Variants in ACSL6 observed in about 807,000 individuals in gnomAD.
ACSL6 encodes acyl-CoA synthetase long chain family member 6.
A neutral mutation model predicts 98.2 loss-of-function variants in ACSL6; 47 were observed. The ratio of observed to expected loss-of-function variants is 0.48; its 90% CI spans 0.38 to 0.61. The LOEUF is 0.61. ACSL6 is among the 20% of genes least tolerant of loss of function. The pLI is 0.00. For missense variants in ACSL6, 761 were observed against 913.4 expected, an observed-to-expected ratio of 0.83 and a Z score of 2.15; for synonymous variants, 362 against 336.9, an observed-to-expected ratio of 1.07 and a Z score of -0.82.
chr5:132,005,684 G>C (rs247006), intron 1 of ACSL6, among the ~76,000 whole-genome samples: 56,062 of 152,158 alleles, frequency 0.37, 11,615 homozygotes, highest in South Asian at 0.66. Context: ...GGGTGCGTGG[G>C]CAGGAGGAGT....
At chr5:131,987,418 G>A (rs1181206360) in intron 7 of ACSL6, among the ~76,000 whole-genome samples, 1 of 152,164 alleles carries the variant, frequency 6.6e-6, no homozygotes, top group Non-Finnish European at 1.5e-5. Flanking sequence ...TGCCAGGGAG[G>A]GGTACAATGC....
At chr5:131,963,195 C>T (rs1332994514) in intron 17 of ACSL6, among the ~76,000 whole-genome samples, 2 of 152,204 alleles carry the variant, frequency 1.3e-5, no homozygotes, top group Admixed American at 6.5e-5. Context: ...GTGACTCCTA[C>T]CTGACATGCC....
At chr5:131,980,610 G>A (rs1753839370) in intron 9 of ACSL6, among the ~76,000 whole-genome samples, 1 of 152,110 alleles carries the variant, frequency 6.6e-6, no homozygotes, top group African/African-American at 2.4e-5. Context: ...AGAACAGAAG[G>A]GACGCCCCAA....
intron 1 of ACSL6, chr5:132,001,874 C>A (rs990116368): frequency 6.6e-6 from 1 of 152,142 alleles, no homozygotes; most frequent in East Asian, 1.9e-4. Flanking sequence ...AAGCCAGGCA[C>A]AAACAATGCT....
rs183980877 is a variant in ACSL6 at position 132,002,171 on chromosome 5, C to T, written c.50-7920G>A. On this transcript the variant is annotated intron_variant, in intron 1 of 20. Transcript: ENST00000651883. ...GGAATACTGACCAGGGTCACCATCA[C>T]CTCACAGGCACAGGGACACTCCCTG... is the stretch of plus-strand genomic sequence containing the variant. Among the ~76,000 whole-genome samples the T allele has an allele frequency of 8.4e-4, 128 of 152,322 alleles. No individual in the cohort carries two copies. In the Middle Eastern group the frequency reaches 0.014, roughly 16 times the overall value.
chr5:132,005,485 G>A (rs749739140), intron 1 of ACSL6, among the ~76,000 whole-genome samples: 20 of 152,188 alleles, frequency 1.3e-4, no homozygotes, highest in African/African-American at 4.6e-4. Context: ...CTCACTGGCC[G>A]GCTCACATGC....
At position 131,992,168 on chromosome 5, in the gene ACSL6, C is replaced by T. The variant is rs985489993; in HGVS notation, c.271-1201G>A. Among the ~76,000 whole-genome samples, 2 of 152,100 alleles carry T rather than the reference C, an allele frequency of 1.3e-5. 1 individual carries two copies. The highest frequency in any genetic ancestry group is 4.2e-4 in the South Asian group (2 of 4,818). ...TAGGCAGCACCACATGCAAATGCACCGGCAGGAGGCACAGGTGCATTTGGG... is the reference window on the plus strand; with the variant it reads ...TAGGCAGCACCACATGCAAATGCACTGGCAGGAGGCACAGGTGCATTTGGG... On this transcript the variant is annotated intron_variant, in intron 2 of 20. Transcript: ENST00000651883.
Position 131,962,681 on chromosome 5 carries a change from G to A in ACSL6, c.1714-3C>T. On this transcript the variant is annotated splice_polypyrimidine_tract_variant and splice_region_variant and intron_variant, in intron 17 of 20. Transcript: ENST00000651883. ...TCAATAATTTTAAGAGTTCCTGCCT[G>A]TAGAGTTGGACAAACAGCTTTATAA... 1 of 1,613,810 alleles carries A rather than the reference G, an allele frequency of 6.2e-7. No individual in the cohort carries two copies. The highest frequency in any genetic ancestry group is 2.2e-5 in the East Asian group (1 of 44,882).
In ACSL6 at chr5:131,981,311, T is replaced by C. The variant is rs562849095; in HGVS notation, c.916+4096A>G. Among the ~76,000 whole-genome samples the C allele has an allele frequency of 2.0e-4, 27 of 135,170 alleles. No individual in the cohort carries two copies. The South Asian group carries it at 6.4e-3, about 32-fold the overall frequency. 88.7% of individuals were successfully genotyped at this position (135,170 alleles called of 152,430 possible). A position where few individuals can be genotyped will look rare whatever the true frequency, so the allele number is the denominator to read the frequency against. ...AATCTTGCTCCCTGCCATACCTTCA[T>C]AGTCAACTATTAAAAAAAAAAAAAA... On this transcript the variant is annotated intron_variant, in intron 9 of 20. Coordinates refer to ENST00000651883, the MANE Select transcript of ACSL6 (RefSeq NM_001009185.3).
intron 1 of ACSL6, among the ~76,000 whole-genome samples, chr5:132,004,797 C>G (rs1472284776): frequency 6.6e-6 from 1 of 152,222 alleles, no homozygotes; most frequent in Non-Finnish European, 1.5e-5. Context: ...TCTCTAAACC[C>G]TCCCTGCCAC....
In ACSL6 at chr5:131,950,575, T is replaced by C. The variant is rs1460933650; in HGVS notation, c.*3659A>G. 1.0e-5 allele frequency: 2 copies of C among 196,634 alleles called. No individual in the cohort carries two copies. The highest frequency in any genetic ancestry group is 1.2e-4 in the Admixed American group (2 of 16,454). The allele number at this position is 196,634 out of a possible 1,614,324, so 12.2% of individuals were successfully genotyped here. On this transcript the variant is annotated 3_prime_UTR_variant, in exon 21 of 21. Coordinates refer to ENST00000651883, the MANE Select transcript of ACSL6 (RefSeq NM_001009185.3). ...TACCAATTTTATATACGGTTATTCA[T>C]TCTTTTTTTCCTGAGATATTAAGCA...
chr5:131,974,875 G>A lies in ACSL6; in HGVS notation c.1068+18C>T. Reference sequence around the variant, plus strand: ...AAGGAGCCCAGGCAAGGCCCGGTCAGTCAGGTGGGTGTCTTACCTGGATTA... The same window carrying A: ...AAGGAGCCCAGGCAAGGCCCGGTCAATCAGGTGGGTGTCTTACCTGGATTA... On this transcript the variant is annotated intron_variant, in intron 11 of 20. Transcript: ENST00000651883. 1 of 1,614,146 alleles carries A rather than the reference G, an allele frequency of 6.2e-7. No individual in the cohort carries two copies. The highest frequency in any genetic ancestry group is 8.5e-7 in the Non-Finnish European group (1 of 1,180,012).
chr5:131,973,419 A>G lies in ACSL6; in HGVS notation c.1069-19T>C, dbSNP rs753058368. 6.8e-6 allele frequency: 11 copies of G among 1,613,146 alleles called. No homozygotes were observed. The Admixed American group carries it at 1.8e-4, about 27-fold the overall frequency. ...CGACAGACTAGAAAGACAGGACAGG[A>G]AGGGAGGAGTCCCTTAGGGTGGTCA... On this transcript the variant is annotated intron_variant, in intron 11 of 20. Transcript: ENST00000651883.
chr5:132,006,259 G>A (rs961957613), intron 1 of ACSL6: 8 of 152,136 alleles, frequency 5.3e-5, no homozygotes, highest in African/African-American at 1.7e-4. Context: ...TAGATAGCTC[G>A]GCTTGGCTTG....
At chr5:132,003,988 G>T (rs574559935) in intron 1 of ACSL6, among the ~76,000 whole-genome samples, 2 of 152,232 alleles carry the variant, frequency 1.3e-5, no homozygotes, top group African/African-American at 4.8e-5. Flanking sequence ...GAAAGAAATG[G>T]GAAGAAAAAA....
At chr5:132,005,486 G>T (rs984477861) in intron 1 of ACSL6, among the ~76,000 whole-genome samples, 1 of 152,238 alleles carries the variant, frequency 6.6e-6, no homozygotes, top group Non-Finnish European at 1.5e-5. Context: ...TCACTGGCCG[G>T]CTCACATGCC....
intron 18 of ACSL6, 56 bp downstream of exon 18, chr5:131,962,479 C>A: frequency 6.5e-7 from 1 of 1,540,886 alleles, no homozygotes. Context: ...AATGTTTAAT[C>A]TGGGTTTTTC....
intron 6 of ACSL6, 134 bp from the exon 7 acceptor site, chr5:131,988,360 T>G (rs985315045): frequency 6.1e-6 from 8 of 1,302,702 alleles, no homozygotes; most frequent in Non-Finnish European, 8.6e-6. Context: ...AATAAATACA[T>G]AAGACAGGCC....
At position 131,968,016 on chromosome 5, in the gene ACSL6, G is replaced by A. The variant is rs575021630; in HGVS notation, c.1520C>T (p.Ala507Val). ...PGDWTSGHVG[A>V]PLPCNHIKLV... Reference sequence around the variant, plus strand: ...CTTGATATGATTGCAGGGAAGTGGCGCCCCTACGTGCCCTGGAACACCGGA... The same window carrying A: ...CTTGATATGATTGCAGGGAAGTGGCACCCCTACGTGCCCTGGAACACCGGA... Residue 507 changes from alanine (A) to valine (V), a missense_variant, in exon 16 of 21, where the codon GCG becomes GTG. Coordinates refer to ENST00000651883, the MANE Select transcript of ACSL6 (RefSeq NM_001009185.3). The A allele has an allele frequency of 3.1e-5, 50 of 1,613,582 alleles. 1 individual carries two copies. In the South Asian group the frequency reaches 4.5e-4, roughly 15 times the overall value.
Sources: gnomAD v4.1 joint callset for allele counts (sites outside exome capture counted in the v4.1 genomes callset) on GRCh38, gnomAD v4.1.1 for gene constraint, MANE v1.5 for transcripts, NCBI Gene and HGNC (gene_info 2026-07-23, HGNC 2026-07-21) for gene names.